PDE11A: variants seen among roughly 807,000 people sequenced by gnomAD.
PDE11A encodes the protein dual 3',5'-cyclic-AMP and -GMP phosphodiesterase 11A.
PDE11A carries 100 observed loss-of-function variants against 100.5 expected under a neutral mutation model. That is an observed-to-expected ratio of 1.00 (90% CI 0.85 to 1.18). The LOEUF is 1.18. PDE11A is among the 50% of genes most tolerant of loss of function. The probability of loss-of-function intolerance (pLI) is 0.00; values close to 1 mark genes in which losing one functional copy is unlikely to be tolerated. For missense variants in PDE11A, 1,141 were observed against 1,152.6 expected, an observed-to-expected ratio of 0.99 and a Z score of 0.15; for synonymous variants, 381 against 420.8, an observed-to-expected ratio of 0.91 and a Z score of 1.16.
intron 19 of PDE11A, among the ~76,000 whole-genome samples, chr2:177,656,486 CAT>C: frequency 6.6e-6 from 1 of 152,238 alleles, no homozygotes; most frequent in Non-Finnish European, 1.5e-5. Flanking sequence ...TTAAGCAACA[CAT>C]GACTGTATTT....
intron 1 of PDE11A, among the ~76,000 whole-genome samples, chr2:178,023,191 A>G (rs1388440700): frequency 6.6e-6 from 1 of 152,170 alleles, no homozygotes; most frequent in Admixed American, 6.6e-5. Context: ...GCCATGAAGC[A>G]CACCCAGAAA....
At chr2:177,717,701 C>G (rs987103202) in intron 12 of PDE11A, among the ~76,000 whole-genome samples, 4 of 152,270 alleles carry the variant, frequency 2.6e-5, no homozygotes, top group Non-Finnish European at 5.9e-5. Flanking sequence ...TCTGAGCAGG[C>G]CTCCAATGAT....
chr2:177,733,957 G>T (rs1251226766), intron 10 of PDE11A, among the ~76,000 whole-genome samples: 1 of 152,232 alleles, frequency 6.6e-6, no homozygotes, highest in Non-Finnish European at 1.5e-5. Flanking sequence ...GTCAGAGGCA[G>T]ATTTGAACCT....
chr2:177,667,021 G>C lies in PDE11A; in HGVS notation c.2562+2472C>G, dbSNP rs150773966. 1.7e-3 allele frequency among the ~76,000 whole-genome samples: 253 copies of C among 151,844 alleles called. 1 individual carries two copies. Among genetic ancestry groups the C allele is most frequent in the African/African-American group, 5.5e-3 (228 of 41,426 alleles). On this transcript the variant is annotated intron_variant, in intron 18 of 19. Coordinates refer to ENST00000286063, the MANE Select transcript of PDE11A (RefSeq NM_016953.4). ...CAACCTCTGCCTCCTGGGTTCAAACGGTTTTCCTGCCTCAGCCTCCCAAGT... is the reference window on the plus strand; with the variant it reads ...CAACCTCTGCCTCCTGGGTTCAAACCGTTTTCCTGCCTCAGCCTCCCAAGT...
At chr2:177,682,442 G>C (rs573905976) in intron 15 of PDE11A, among the ~76,000 whole-genome samples, 18 of 152,284 alleles carry the variant, frequency 1.2e-4, no homozygotes, top group Admixed American at 4.6e-4. Flanking sequence ...ATTAAGTCCT[G>C]TCACAGACAC....
rs558646535 is a variant in PDE11A at position 177,746,650 on chromosome 2, T to C, written c.1789-18478A>G. 4.6e-5 allele frequency among the ~76,000 whole-genome samples: 7 copies of C among 152,348 alleles called. No individual in the cohort carries two copies. In the South Asian group the frequency reaches 1.0e-3, roughly 23 times the overall value. On this transcript the variant is annotated intron_variant, in intron 10 of 19. Transcript: ENST00000286063. ...CTTGGAAGCTAAAAGATAACATCTA[T>C]GGACATATGAGACAAAAGAATTGCA...
intron 9 of PDE11A, among the ~76,000 whole-genome samples, chr2:177,780,434 A>C (rs2082438563): frequency 6.6e-6 from 1 of 152,146 alleles, no homozygotes; most frequent in Non-Finnish European, 1.5e-5. Context: ...AATGGTAAAT[A>C]AGCACTGGCT....
chr2:178,049,527 G>A (rs576679669), intron 1 of PDE11A, among the ~76,000 whole-genome samples: 7 of 152,294 alleles, frequency 4.6e-5, no homozygotes, highest in African/African-American at 1.7e-4. Flanking sequence ...GCAGCCCATG[G>A]AGCATGAGCC....
intron 14 of PDE11A, among the ~76,000 whole-genome samples, chr2:177,699,155 T>TA (rs2081160091): frequency 2.0e-5 from 3 of 152,278 alleles, no homozygotes; most frequent in African/African-American, 7.2e-5. Flanking sequence ...AGAAAGCACT[T>TA]ACACAAAACT....
upstream of PDE11A, among the ~76,000 whole-genome samples, chr2:178,077,428 C>T (rs752911084): frequency 3.3e-5 from 5 of 152,116 alleles, no homozygotes; most frequent in Non-Finnish European, 7.4e-5. Context: ...CTCACTCCCA[C>T]CCACATGAAA....
At chr2:177,746,468 G>C (rs2081949557) in intron 10 of PDE11A, among the ~76,000 whole-genome samples, 1 of 152,126 alleles carries the variant, frequency 6.6e-6, no homozygotes, top group African/African-American at 2.4e-5. Context: ...GGAAAGACCA[G>C]AGTCTGTAGA....
chr2:177,915,970 G>A (rs986211683), intron 2 of PDE11A, among the ~76,000 whole-genome samples: 2 of 152,154 alleles, frequency 1.3e-5, no homozygotes, highest in Non-Finnish European at 2.9e-5. Context: ...AGAAATGGCT[G>A]GCTTGTGGCC....
At chr2:177,813,137 A>G (rs1392579907) in intron 9 of PDE11A, among the ~76,000 whole-genome samples, 1 of 110,686 alleles carries the variant, frequency 9.0e-6, no homozygotes, top group East Asian at 2.4e-4. Context: ...TATCCCTTTT[A>G]AACACCCTGC....
At chr2:177,706,197 AG>A (rs1368933993) in intron 13 of PDE11A, among the ~76,000 whole-genome samples, 1 of 152,232 alleles carries the variant, frequency 6.6e-6, no homozygotes, top group Non-Finnish European at 1.5e-5. Flanking sequence ...TTTATTGTAG[AG>A]GCATTTTGCA....
Position 178,091,571 on chromosome 2 carries a change from C to A in PDE11A, c.162+12731G>T, listed in dbSNP as rs1865587. Among the ~76,000 whole-genome samples the A allele has an allele frequency of 9.1e-4, 138 of 152,270 alleles. 3 individuals carry two copies. The East Asian group carries it at 0.022, about 24-fold the overall frequency. On this transcript the variant is annotated intron_variant, in intron 2 of 20. Transcript: ENST00000358450. The stretch of plus-strand genomic sequence containing the variant: ...TGTCTTATCCTCACCCATAATGATT[C>A]CTGACCTAGTCCACTACCCATCCCT...
intron 6 of PDE11A, among the ~76,000 whole-genome samples, chr2:177,833,079 C>T (rs561055139): frequency 1.3e-5 from 2 of 152,226 alleles, no homozygotes; most frequent in Middle Eastern, 3.4e-3. Context: ...CCTAACGCCC[C>T]TCAGTCAAAT....
chr2:177,803,777 A>G (rs2082827047), intron 9 of PDE11A, among the ~76,000 whole-genome samples: 1 of 152,038 alleles, frequency 6.6e-6, no homozygotes, highest in African/African-American at 2.4e-5. Flanking sequence ...AATTCTCAAC[A>G]AATCAGACAT....
At chr2:177,799,744 G>T (rs13022805) in intron 9 of PDE11A, among the ~76,000 whole-genome samples, 1 of 152,082 alleles carries the variant, frequency 6.6e-6, no homozygotes, top group Non-Finnish European at 1.5e-5. Context: ...AGTCTCCAGA[G>T]GGCAGTGTTC....
At chr2:177,653,733 C>G (rs115695511) in intron 19 of PDE11A, among the ~76,000 whole-genome samples, 238 of 152,276 alleles carry the variant, frequency 1.6e-3, no homozygotes, top group African/African-American at 5.5e-3. Context: ...TCCCTCAGAG[C>G]CTTCACAAGG....
Sources: gnomAD v4.1 joint callset for allele counts (sites outside exome capture counted in the v4.1 genomes callset) on GRCh38, gnomAD v4.1.1 for gene constraint, MANE v1.5 for transcripts, NCBI Gene and HGNC (gene_info 2026-07-23, HGNC 2026-07-21) for gene names.